TM2D1: variants seen among roughly 807,000 people sequenced by gnomAD.
The protein encoded by TM2D1 is TM2 domain-containing protein 1.
Under a neutral mutation model 28.4 loss-of-function variants are expected in TM2D1, and 15 were observed. The observed-to-expected ratio is 0.53, with a 90% CI of 0.35 to 0.81. The LOEUF (loss-of-function observed/expected upper bound fraction) is 0.81, where lower values mean the gene tolerates loss of function less well. TM2D1 is among the 40% of genes least tolerant of loss of function. TM2D1 has a pLI of 0.01. For missense variants in TM2D1, 236 were observed against 254.9 expected, an observed-to-expected ratio of 0.93 and a Z score of 0.50; for synonymous variants, 93 against 96.2, an observed-to-expected ratio of 0.97 and a Z score of 0.20.
At chr1:61,691,495 CA>C (rs1183951634) in intron 5 of TM2D1, among the ~76,000 whole-genome samples, 1,917 of 39,314 alleles carry the variant, frequency 0.049, 6 homozygotes, top group African/African-American at 0.11. Flanking sequence ...AACTCCATCT[CA>C]AAAAAAAAAA....
chr1:61,704,562 G>A (rs1236286438), intron 3 of TM2D1, among the ~76,000 whole-genome samples: 1 of 151,950 alleles, frequency 6.6e-6, no homozygotes, highest in Non-Finnish European at 1.5e-5. Flanking sequence ...CTCCCGCGTA[G>A]CTAGGATTAC....
chr1:61,721,167 G>A (rs1218452595), intron 2 of TM2D1, among the ~76,000 whole-genome samples: 1 of 152,066 alleles, frequency 6.6e-6, no homozygotes, highest in Non-Finnish European at 1.5e-5. Context: ...GGAGGTGGAG[G>A]TTGCAGTGAG....
intron 2 of TM2D1, among the ~76,000 whole-genome samples, chr1:61,715,497 A>C (rs1644509812): frequency 6.6e-6 from 1 of 151,578 alleles, no homozygotes; most frequent in South Asian, 2.1e-4. Context: ...AAAATACACA[A>C]ATTAGCCAGG....
chr1:61,691,795 A>G, intron 5 of TM2D1, among the ~76,000 whole-genome samples: 1 of 150,638 alleles, frequency 6.6e-6, no homozygotes. Flanking sequence ...TGTGCCTGTA[A>G]TCCCAGCTAC....
Position 61,683,546 on chromosome 1 carries a change from T to G in TM2D1, c.514A>C (p.Ile172Leu), listed in dbSNP as rs775322312. Reference sequence around the variant, plus strand: ...CTACTTCCATCTGAAGGTCCAACAATCTAGAAGAGACAAAATTTCAAAATT... The same window carrying G: ...CTACTTCCATCTGAAGGTCCAACAAGCTAGAAGAGACAAAATTTCAAAATT... Reference protein sequence around the residue: ...LIDFILISMQIVGPSDGSSYI... With the variant: ...LIDFILISMQLVGPSDGSSYI... Residue 172 changes from isoleucine (I) to leucine (L), a missense_variant and splice_region_variant, in exon 6 of 7, where the codon ATT becomes CTT. Around this residue, in one of 3 missense-constraint regions of TM2D1, gnomAD observed 64 missense variants for 73.1 expected, o/e 0.88. Coordinates refer to ENST00000606498, the MANE Select transcript of TM2D1 (RefSeq NM_032027.3). 1.4e-6 allele frequency: 2 copies of G among 1,413,596 alleles called. No individual in the cohort carries two copies. The highest frequency in any genetic ancestry group is 1.9e-6 in the Non-Finnish European group (2 of 1,051,394). 87.6% of individuals were successfully genotyped at this position (1,413,596 alleles called of 1,614,324 possible).
chr1:61,710,448 G>GAAA (rs1644469410), intron 2 of TM2D1, among the ~76,000 whole-genome samples: 4 of 49,608 alleles, frequency 8.1e-5, no homozygotes, highest in Non-Finnish European at 1.5e-4. Flanking sequence ...AAAAAAAAAT[G>GAAA]TATATATATA....
chr1:61,696,651 G>A (rs1470535323), intron 4 of TM2D1, among the ~76,000 whole-genome samples: 5 of 152,002 alleles, frequency 3.3e-5, no homozygotes, highest in African/African-American at 1.2e-4. Flanking sequence ...AATCACATCA[G>A]GGCTTTGGCT....
chr1:61,686,761 T>C lies in TM2D1; in HGVS notation c.514-3215A>G, dbSNP rs1644288469. 25 of 943,146 alleles carry C rather than the reference T, an allele frequency of 2.7e-5. No homozygotes were observed. The South Asian group carries it at 3.4e-4, about 13-fold the overall frequency. The allele number at this position is 943,146 out of a possible 1,614,324, so 58.4% of individuals were successfully genotyped here. On this transcript the variant is annotated intron_variant, in intron 5 of 6. Transcript: ENST00000606498. ...TCTAACATCTGTCATTATGAGTATA[T>C]GATTGTATTATTAATTATAAAATTA... is the stretch of plus-strand genomic sequence containing the variant.
intron 2 of TM2D1, among the ~76,000 whole-genome samples, chr1:61,710,425 C>CAA (rs1171048869): frequency 6.9e-4 from 40 of 58,228 alleles, no homozygotes; most frequent in East Asian, 4.8e-3. Context: ...GACCCTGTCC[C>CAA]AAAAAAAAAA....
chr1:61,708,380 C>A (rs1259525132), intron 3 of TM2D1, among the ~76,000 whole-genome samples: 1 of 152,126 alleles, frequency 6.6e-6, no homozygotes, highest in Non-Finnish European at 1.5e-5. Flanking sequence ...AAATTCCTAA[C>A]AAAAGAAAGC....
At chr1:61,708,503 C>T (rs915634590) in intron 3 of TM2D1, among the ~76,000 whole-genome samples, 7 of 152,186 alleles carry the variant, frequency 4.6e-5, no homozygotes, top group African/African-American at 1.4e-4. Flanking sequence ...TGGCCTCAGC[C>T]TCCTGGGTAG....
chr1:61,697,877 C>T (rs931340230), intron 4 of TM2D1: 1 of 152,046 alleles, frequency 6.6e-6, no homozygotes, highest in Non-Finnish European at 1.5e-5. Context: ...TAATATTTAC[C>T]AGTTCCAAAC....
intron 5 of TM2D1, among the ~76,000 whole-genome samples, chr1:61,692,832 C>G (rs1151764): frequency 8.1e-4 from 124 of 152,220 alleles, no homozygotes; most frequent in African/African-American, 3.0e-3. Context: ...CTAAACTGAT[C>G]ATATCTGTGA....
At chr1:61,713,884 C>CTTTT (rs372226143) in intron 2 of TM2D1, among the ~76,000 whole-genome samples, 62 of 106,236 alleles carry the variant, frequency 5.8e-4, no homozygotes, top group African/African-American at 1.3e-3. Flanking sequence ...CCAAATATTT[C>CTTTT]TTTTTTTTTT....
intron 5 of TM2D1, among the ~76,000 whole-genome samples, chr1:61,691,932 A>AAAAAAAAAAAAATATAT: frequency 3.9e-5 from 3 of 76,402 alleles, no homozygotes; most frequent in East Asian, 4.8e-4. Context: ...AAAAAAAAAA[A>AAAAAAAAAAAAATATAT]ATATATATAT....
intron 3 of TM2D1, among the ~76,000 whole-genome samples, chr1:61,703,251 T>C (rs12079111): frequency 0.022 from 3,288 of 147,990 alleles, 119 homozygotes; most frequent in African/African-American, 0.077. Flanking sequence ...ATATATGATC[T>C]AAAATATATA....
chr1:61,725,060 C>G lies in TM2D1; in HGVS notation c.61G>C (p.Gly21Arg). ...GTGACTGAGACGAACCACAGGACAC[C>G]AACGAGTCTGGCCGTCACGGCCTCC... ...APEAVTARLV[G>R]VLWFVSVTTG... The change falls in exon 1 of 7, where the codon GGT becomes CGT. Residue 21 changes from glycine (G) to arginine (R), a missense_variant. Physicochemically the swap from Gly to Arg is moderately radical, Grantham distance 125 (BLOSUM62 -2). Transcript: ENST00000606498. The G allele has an allele frequency of 6.2e-7, 1 of 1,613,962 alleles. No individual in the cohort carries two copies. Among genetic ancestry groups the G allele is most frequent in the Non-Finnish European group, 8.5e-7 (1 of 1,179,914 alleles).
chr1:61,721,900 A>G (rs1260118240), intron 2 of TM2D1, among the ~76,000 whole-genome samples: 1 of 140,772 alleles, frequency 7.1e-6, no homozygotes, highest in Non-Finnish European at 1.5e-5. Context: ...GCTTGAGCCT[A>G]TGAGTTCAAG....
intron 1 of TM2D1, 36 bp from the exon 2 acceptor site, chr1:61,723,822 C>T: frequency 1.0e-6 from 1 of 988,000 alleles, no homozygotes. Flanking sequence ...GGACTACATT[C>T]CAACACAACA....
Sources: gnomAD v4.1 joint callset for allele counts (sites outside exome capture counted in the v4.1 genomes callset) on GRCh38, gnomAD v4.1.1 for gene constraint, gnomAD v4.1.1 regional missense constraint, MANE v1.5 for transcripts, NCBI Gene and HGNC (gene_info 2026-07-23, HGNC 2026-07-21) for gene names.